The following FIGN variants were observed in gnomAD, a reference collection of about 807,000 sequenced individuals.
The protein encoded by FIGN is fidgetin, microtubule severing factor, also known as fidgetin.
A neutral mutation model predicts 51.3 loss-of-function variants in FIGN; 11 were observed. The ratio of observed to expected loss-of-function variants is 0.21; its 90% confidence interval spans 0.13 to 0.35. The LOEUF (loss-of-function observed/expected upper bound fraction) is 0.35, where lower values mean the gene tolerates loss of function less well. FIGN is among the 10% of genes least tolerant of loss of function. The pLI is 1.00. For missense variants in FIGN, 857 were observed against 943.6 expected (o/e 0.91, Z 1.20); for synonymous variants, 407 against 363.2 (o/e 1.12, Z -1.37).
intron 2 of FIGN, among the ~76,000 whole-genome samples, chr2:163,730,256 C>T (rs565371346): frequency 1.3e-5 from 2 of 152,084 alleles, no homozygotes; most frequent in South Asian, 2.1e-4. Flanking sequence ...TAAATGATAA[C>T]ATCAAAAATA....
intron 2 of FIGN, among the ~76,000 whole-genome samples, chr2:163,684,024 A>G (rs927959006): frequency 1.3e-5 from 2 of 152,124 alleles, no homozygotes; most frequent in Admixed American, 6.5e-5. Context: ...TGTTTTTCCA[A>G]TGTTGAAAAT....
intron 2 of FIGN, among the ~76,000 whole-genome samples, chr2:163,616,753 T>A (rs1682884228): frequency 6.6e-6 from 1 of 152,142 alleles, no homozygotes; most frequent in Non-Finnish European, 1.5e-5. Flanking sequence ...AAACAATCAC[T>A]ACTGGGGTAA....
chr2:163,626,735 C>G (rs1010853316), intron 2 of FIGN, among the ~76,000 whole-genome samples: 2 of 151,940 alleles, frequency 1.3e-5, no homozygotes, highest in African/African-American at 4.8e-5. Context: ...TTCTTAGTCA[C>G]AAGATGAGAT....
intron 2 of FIGN, among the ~76,000 whole-genome samples, chr2:163,673,662 G>C (rs1683914105): frequency 6.6e-6 from 1 of 152,088 alleles, no homozygotes; most frequent in Non-Finnish European, 1.5e-5. Flanking sequence ...AGCTCAGATG[G>C]ATTAAAACTA....
In FIGN at chr2:163,610,890, A is replaced by G; in HGVS notation, c.942T>C (p.Ser314=). The change falls in exon 3 of 3, where the codon AGT becomes AGC. Residue 314 remains serine (S), a synonymous_variant. Coordinates refer to ENST00000333129, the MANE Select transcript of FIGN (RefSeq NM_018086.4). ...APSALTNSSA[S]SLKRKAFYMA... is the part of the protein sequence containing the mutation. ...TGTAGAAAGCTTTCCTTTTGAGAGA[A>G]CTTGCTGAACTGTTTGTCAGAGCCG... The G allele has an allele frequency of 6.2e-7, 1 of 1,612,884 alleles. No homozygotes were observed. Among genetic ancestry groups the G allele is most frequent in the South Asian group, 1.1e-5 (1 of 91,036 alleles).
chr2:163,688,418 G>A (rs1684188124), intron 2 of FIGN, among the ~76,000 whole-genome samples: 1 of 152,200 alleles, frequency 6.6e-6, no homozygotes, highest in Admixed American at 6.5e-5. Flanking sequence ...GAGATCAGCA[G>A]TCTAAAACAG....
chr2:163,664,217 C>A (rs1055167166), intron 2 of FIGN, among the ~76,000 whole-genome samples: 20 of 152,094 alleles, frequency 1.3e-4, no homozygotes, highest in African/African-American at 4.8e-4. Context: ...CTCCTACCCC[C>A]CTTTAAAAAG....
rs558624620 is a variant in FIGN, at chr2:163,639,341, T to G, written c.26-27535A>C. Among the ~76,000 whole-genome samples, 9 of 152,270 alleles carry G rather than the reference T, an allele frequency of 5.9e-5. No homozygotes were observed. The South Asian group carries it at 1.2e-3, about 21-fold the overall frequency. On this transcript the variant is annotated intron_variant, in intron 2 of 2. Coordinates refer to ENST00000333129, the MANE Select transcript of FIGN (RefSeq NM_018086.4). ...ACAGGTTCCAGAAAAATGTTTAAAT[T>G]TTTCAAGTAAGATCACTTCTCTGAT... is the stretch of plus-strand genomic sequence containing the variant.
intron 2 of FIGN, among the ~76,000 whole-genome samples, chr2:163,707,996 A>G (rs567731469): frequency 6.6e-6 from 1 of 152,282 alleles, no homozygotes; most frequent in South Asian, 2.1e-4. Flanking sequence ...TCTTTATGTT[A>G]CAATAGCACA....
intron 2 of FIGN, among the ~76,000 whole-genome samples, chr2:163,715,969 A>G (rs1300494574): frequency 6.6e-6 from 1 of 152,222 alleles, no homozygotes; most frequent in Non-Finnish European, 1.5e-5. Flanking sequence ...CTCTGGTAAA[A>G]TAAAAACATA....
intron 2 of FIGN, among the ~76,000 whole-genome samples, chr2:163,654,866 A>G (rs1417248078): frequency 6.6e-6 from 1 of 152,146 alleles, no homozygotes; most frequent in Non-Finnish European, 1.5e-5. Flanking sequence ...TTAAAAAAAG[A>G]AGTTGTAAAT....
At chr2:163,712,336 T>C (rs1356635185) in intron 2 of FIGN, among the ~76,000 whole-genome samples, 1 of 152,212 alleles carries the variant, frequency 6.6e-6, no homozygotes, top group Non-Finnish European at 1.5e-5. Context: ...ATGTTTCTTT[T>C]AATCTATTTT....
chr2:163,634,017 C>T (rs1027032472), intron 2 of FIGN, among the ~76,000 whole-genome samples: 14 of 151,496 alleles, frequency 9.2e-5, no homozygotes, highest in African/African-American at 3.4e-4. Context: ...AGGTCAGCTT[C>T]AACTCTTTTC....
In FIGN at chr2:163,610,971, G is replaced by A; in HGVS notation, c.861C>T (p.Pro287=). 6.2e-6 allele frequency: 10 copies of A among 1,613,798 alleles called. No homozygotes were observed. Among genetic ancestry groups the A allele is most frequent in the Non-Finnish European group, 5.9e-6 (7 of 1,179,956 alleles). ...SGIPAPTPLP[P]TTVPGYTYQG... ...GGTAGGTGTAGCCAGGAACAGTGGT[G>A]GGGGGTAGGGGGGTGGGAGCAGGAA... is the stretch of plus-strand genomic sequence containing the variant. The change falls in exon 3 of 3, where the codon CCC becomes CCT. Residue 287 remains proline (P), a synonymous_variant. Coordinates refer to ENST00000333129, the MANE Select transcript of FIGN (RefSeq NM_018086.4).
At chr2:163,731,656 G>T (rs1399858145) in intron 2 of FIGN, among the ~76,000 whole-genome samples, 3 of 151,116 alleles carry the variant, frequency 2.0e-5, no homozygotes, top group Non-Finnish European at 4.4e-5. Context: ...ATCAGATACT[G>T]TTTTAAGAAT....
At chr2:163,732,636 T>TA (rs1400081739) in intron 2 of FIGN, among the ~76,000 whole-genome samples, 3 of 152,246 alleles carry the variant, frequency 2.0e-5, no homozygotes, top group Non-Finnish European at 2.9e-5. Flanking sequence ...TTTCAACTGT[T>TA]ACGTCCAGAA....
At chr2:163,725,195 T>C (rs980001348) in intron 2 of FIGN, among the ~76,000 whole-genome samples, 1 of 152,068 alleles carries the variant, frequency 6.6e-6, no homozygotes, top group African/African-American at 2.4e-5. Context: ...GTGGCTGAAA[T>C]GAAATTTGAT....
chr2:163,688,751 C>G (rs1406768329), intron 2 of FIGN, among the ~76,000 whole-genome samples: 1 of 152,136 alleles, frequency 6.6e-6, no homozygotes, highest in Non-Finnish European at 1.5e-5. Context: ...AAGTTAACAA[C>G]TCTGGATTCC....
At chr2:163,635,706 C>G (rs757678946) in intron 2 of FIGN, among the ~76,000 whole-genome samples, 8 of 152,086 alleles carry the variant, frequency 5.3e-5, no homozygotes, top group South Asian at 4.1e-4. Flanking sequence ...AGAGCGTATA[C>G]CATGACTGGT....
Sources: allele counts gnomAD v4.1 joint callset (sites outside exome capture counted in the v4.1 genomes callset), GRCh38; gene constraint gnomAD v4.1.1; transcripts MANE v1.5; gene names NCBI Gene and HGNC (gene_info 2026-07-23, HGNC 2026-07-21).